Variants in RERE observed in about 807,000 individuals in gnomAD.
The protein encoded by RERE is arginine-glutamic acid dipeptide repeats.
Under a neutral mutation model 146.1 loss-of-function variants are expected in RERE, and 40 were observed. The observed-to-expected ratio is 0.27, with a 90% CI of 0.21 to 0.36. The LOEUF (loss-of-function observed/expected upper bound fraction) is 0.36, where lower values mean the gene tolerates loss of function less well. Among genes scored for constraint, RERE ranks in the 10% least tolerant of loss-of-function variants. The probability of loss-of-function intolerance (pLI) is 1.00; values close to 1 mark genes in which losing one functional copy is unlikely to be tolerated. For missense variants in RERE, 1,933 were observed against 2,138.7 expected (o/e 0.90, Z 1.90); for synonymous variants, 1,003 against 866.0 (o/e 1.16, Z -2.78).
chr1:8,708,080 T>G (rs1207123050), intron 1 of RERE, among the ~76,000 whole-genome samples: 1 of 152,190 alleles, frequency 6.6e-6, no homozygotes, highest in Non-Finnish European at 1.5e-5. Context: ...CACGGGGGCC[T>G]TGGAACACAT....
At chr1:8,473,303 C>A (rs554216245) in intron 10 of RERE, among the ~76,000 whole-genome samples, 1 of 152,172 alleles carries the variant, frequency 6.6e-6, no homozygotes, top group East Asian at 1.9e-4. Context: ...GCCTCAGAGG[C>A]AGGCTGCTCA....
chr1:8,731,700 T>A (rs1640088305), intron 1 of RERE, among the ~76,000 whole-genome samples: 1 of 151,998 alleles, frequency 6.6e-6, no homozygotes, highest in Admixed American at 6.5e-5. Context: ...ACAAGAAAAC[T>A]ACAGGAAACG....
chr1:8,377,251 T>C (rs1458183417), intron 12 of RERE, among the ~76,000 whole-genome samples: 1 of 152,232 alleles, frequency 6.6e-6, no homozygotes, highest in Non-Finnish European at 1.5e-5. Flanking sequence ...TTCACTTACA[T>C]GGAACCCACA....
At chr1:8,543,224 G>C (rs376476470) in intron 6 of RERE, among the ~76,000 whole-genome samples, 2 of 152,106 alleles carry the variant, frequency 1.3e-5, no homozygotes, top group South Asian at 2.1e-4. Context: ...TATTTAACTA[G>C]AACTAAAATA....
chr1:8,700,864 G>C (rs914815543), intron 1 of RERE, among the ~76,000 whole-genome samples: 1 of 152,116 alleles, frequency 6.6e-6, no homozygotes, highest in Admixed American at 6.5e-5. Flanking sequence ...CCTTGGAAAA[G>C]CATGGTAAAT....
At chr1:8,680,078 C>A (rs974635294) in intron 1 of RERE, among the ~76,000 whole-genome samples, 1 of 152,038 alleles carries the variant, frequency 6.6e-6, no homozygotes, top group East Asian at 1.9e-4. Flanking sequence ...AAGGTGGTAG[C>A]GGGTAGGGGT....
chr1:8,365,249 C>T (rs1002724218), intron 13 of RERE, among the ~76,000 whole-genome samples: 5 of 152,198 alleles, frequency 3.3e-5, no homozygotes. Flanking sequence ...ATGCGCAACA[C>T]CGGCGCCCCT....
intron 8 of RERE, among the ~76,000 whole-genome samples, chr1:8,507,579 T>C (rs1645270796): frequency 6.6e-6 from 1 of 151,808 alleles, no homozygotes; most frequent in African/African-American, 2.4e-5. Context: ...CAGCTAATTT[T>C]TCTATTTTTA....
chr1:8,523,562 C>A (rs1353376969), intron 7 of RERE, among the ~76,000 whole-genome samples: 1 of 152,214 alleles, frequency 6.6e-6, no homozygotes, highest in East Asian at 1.9e-4. Context: ...TGTTCCCTCA[C>A]CTCCTCCACC....
chr1:8,374,469 C>G (rs1642163536), intron 12 of RERE, among the ~76,000 whole-genome samples: 1 of 152,186 alleles, frequency 6.6e-6, no homozygotes, highest in Admixed American at 6.5e-5. Context: ...AATGAGATTT[C>G]CTAAGCTCTG....
At chr1:8,420,892 CTATT>C (rs533311186) in intron 12 of RERE, among the ~76,000 whole-genome samples, 14 of 152,200 alleles carry the variant, frequency 9.2e-5, no homozygotes, top group Middle Eastern at 3.4e-3. Flanking sequence ...AGAAAAAAGG[CTATT>C]TATTTACGGA....
At chr1:8,788,425 C>T (rs562539454) in intron 1 of RERE, among the ~76,000 whole-genome samples, 3 of 143,886 alleles carry the variant, frequency 2.1e-5, no homozygotes, top group African/African-American at 7.8e-5. Context: ...AGCGCAGTGG[C>T]GCGATCTCGG....
At chr1:8,751,382 T>C (rs1640531409) in intron 1 of RERE, among the ~76,000 whole-genome samples, 1 of 152,204 alleles carries the variant, frequency 6.6e-6, no homozygotes, top group Non-Finnish European at 1.5e-5. Context: ...AATAGCAATC[T>C]ATAGTAACAA....
intron 9 of RERE, 111 bp from the exon 10 acceptor site, chr1:8,495,273 A>G: frequency 1.4e-6 from 1 of 712,852 alleles, no homozygotes; most frequent in Non-Finnish European, 2.4e-6. Flanking sequence ...CCATTACTAC[A>G]CGCATGATGA....
intron 1 of RERE, among the ~76,000 whole-genome samples, chr1:8,693,450 G>T (rs1168310258): frequency 1.3e-5 from 2 of 152,158 alleles, no homozygotes; most frequent in Non-Finnish European, 2.9e-5. Flanking sequence ...GAGACATGGA[G>T]AAACCTTAAG....
chr1:8,715,459 C>T (rs1004156589), intron 1 of RERE, among the ~76,000 whole-genome samples: 2 of 151,780 alleles, frequency 1.3e-5, no homozygotes, highest in South Asian at 2.1e-4. Context: ...TTTGGTAAGC[C>T]GAGATTGCAC....
At chr1:8,694,288 T>C (rs920386851) in intron 1 of RERE, among the ~76,000 whole-genome samples, 2 of 152,184 alleles carry the variant, frequency 1.3e-5, no homozygotes, top group African/African-American at 4.8e-5. Flanking sequence ...AGTTTCAGGA[T>C]ACAAAGTCAA....
chr1:8,643,443 T>C (rs1647207919), intron 2 of RERE, among the ~76,000 whole-genome samples: 1 of 152,184 alleles, frequency 6.6e-6, no homozygotes, highest in Non-Finnish European at 1.5e-5. Context: ...TATATGTTAC[T>C]GGGAAGACCA....
At chr1:8,414,049 C>T (rs1025114593) in intron 12 of RERE, among the ~76,000 whole-genome samples, 1 of 112,628 alleles carries the variant, frequency 8.9e-6, no homozygotes, top group Non-Finnish European at 1.8e-5. Flanking sequence ...GAGTGAAACT[C>T]CATCTCAAAA....
Sources: allele counts gnomAD v4.1 joint callset (sites outside exome capture counted in the v4.1 genomes callset), GRCh38; gene constraint gnomAD v4.1.1; transcripts MANE v1.5; gene names NCBI Gene and HGNC (gene_info 2026-07-23, HGNC 2026-07-21).